SDHD: variants seen among roughly 807,000 people sequenced by gnomAD.
The protein encoded by SDHD is succinate dehydrogenase [ubiquinone] cytochrome b small subunit, mitochondrial.
A neutral mutation model predicts 18.7 loss-of-function variants in SDHD; 6 were observed. The ratio of observed to expected loss-of-function variants is 0.32; its 90% CI spans 0.18 to 0.63. The LOEUF (loss-of-function observed/expected upper bound fraction) is 0.63. SDHD is among the 30% of genes least tolerant of loss of function. The pLI, the probability that SDHD is intolerant of heterozygous loss-of-function variation, is 0.79. For synonymous variants in SDHD, 56 were observed against 73.9 expected (o/e 0.76, Z 1.24); for missense variants, 160 against 192.7 (o/e 0.83, Z 1.00).
intron 3 of SDHD, 187 bp downstream of exon 3, chr11:112,089,198 G>A: frequency 4.7e-6 from 3 of 632,438 alleles, no homozygotes; most frequent in South Asian, 2.0e-5. Flanking sequence ...CTTTCAATTC[G>A]ATTTCCGTAT....
Position 112,094,846 on chromosome 11 carries a change from C to A in SDHD, c.356C>A (p.Ala119Asp), listed in dbSNP as rs758784300. The change falls in exon 4 of 4, where the codon GCC becomes GAC. Residue 119 changes from alanine to aspartate, a missense_variant. Physicochemically the swap from Ala to Asp is moderately radical, Grantham distance 126. Transcript: ENST00000375549. ...GTTACTGACTATGTTCATGGGGATG[C>A]CTTGCAGAAAGCTGCCAAGGCAGGG... ...QVVTDYVHGD[A>D]LQKAAKAGLL... 6.2e-7 allele frequency: 1 copy of A among 1,611,994 alleles called. No individual in the cohort carries two copies. The highest frequency in any genetic ancestry group is 8.5e-7 in the Non-Finnish European group (1 of 1,179,832).
chr11:112,090,614 CTT>C (rs976547564), intron 3 of SDHD, among the ~76,000 whole-genome samples: 2 of 152,054 alleles, frequency 1.3e-5, no homozygotes, highest in African/African-American at 4.8e-5. Context: ...TTAACCAACT[CTT>C]TTATTTTACA....
chr11:112,089,538 T>C (rs944334089), intron 3 of SDHD, among the ~76,000 whole-genome samples: 1 of 152,254 alleles, frequency 6.6e-6, no homozygotes, highest in Non-Finnish European at 1.5e-5. Flanking sequence ...AGACTCTACA[T>C]GATTGAACCA....
intron 2 of SDHD, 69 bp downstream of exon 2, chr11:112,088,042 T>G: frequency 9.4e-7 from 1 of 1,063,628 alleles, no homozygotes; most frequent in Non-Finnish European, 1.5e-6. Flanking sequence ...GGTCATGCCT[T>G]TAGCAGGACT....
rs7121782 is a variant in SDHD, at chr11:112,087,095, G to T, written c.52+136G>T. The T allele has an allele frequency of 0.35, 332,729 of 941,840 alleles. 61,631 individuals are homozygous for T. The highest frequency in any genetic ancestry group is 0.57 in the East Asian group (22,111 of 38,456). 58.3% of individuals were successfully genotyped at this position (941,840 alleles called of 1,614,324 possible). A position where few individuals can be genotyped will look rare whatever the true frequency, so the allele number is the denominator to read the frequency against. ...CGAAATCACAGCAATGACCACTGTA[G>T]TCTAGGGGTCCAGATGTTTACCCGA... is the stretch of plus-strand genomic sequence containing the variant. On this transcript the variant is annotated intron_variant, in intron 1 of 3. Transcript: ENST00000375549.
chr11:112,092,588 T>G (rs749538233), intron 3 of SDHD, among the ~76,000 whole-genome samples: 2 of 152,038 alleles, frequency 1.3e-5, no homozygotes, highest in Non-Finnish European at 2.9e-5. Context: ...CACACCCCAT[T>G]AGGATGGCTG....
intron 1 of SDHD, among the ~76,000 whole-genome samples, chr11:112,087,521 G>A (rs1173015593): frequency 6.6e-6 from 1 of 152,202 alleles, no homozygotes; most frequent in Non-Finnish European, 1.5e-5. Context: ...AACTAGGAAA[G>A]TAGCACAAAG....
chr11:112,087,804 C>T (rs201680638), intron 1 of SDHD, 53 bp from the exon 2 acceptor site: 2 of 1,141,326 alleles, frequency 1.8e-6, no homozygotes, highest in South Asian at 1.2e-5. Context: ...GAAAGTTTGT[C>T]AGTCCTGTTA....
chr11:112,088,846 T>C (rs200186743), intron 2 of SDHD, 21 bp from the exon 3 acceptor site: 17 of 1,612,092 alleles, frequency 1.1e-5, no homozygotes, highest in Non-Finnish European at 1.2e-5. Flanking sequence ...TCAACTTTTA[T>C]GAATCTGGTC....
At chr11:112,092,130 A>G (rs1865755580) in intron 3 of SDHD, among the ~76,000 whole-genome samples, 1 of 152,074 alleles carries the variant, frequency 6.6e-6, no homozygotes, top group Non-Finnish European at 1.5e-5. Context: ...ATAAATACCT[A>G]ATGCACGCGG....
chr11:112,087,714 G>C (rs1199653239), intron 1 of SDHD, 143 bp from the exon 2 acceptor site: 1 of 744,410 alleles, frequency 1.3e-6, no homozygotes, highest in Admixed American at 1.8e-5. Context: ...AGTAACCCCA[G>C]TGAAATAGAT....
intron 2 of SDHD, 112 bp from the exon 3 acceptor site, chr11:112,088,755 T>G: frequency 8.6e-7 from 1 of 1,160,066 alleles, no homozygotes; most frequent in East Asian, 2.3e-5. Flanking sequence ...GTACTCAGAG[T>G]TATATCCTAT....
intron 3 of SDHD, among the ~76,000 whole-genome samples, chr11:112,090,308 G>A (rs370157346): frequency 4.1e-5 from 6 of 147,264 alleles, no homozygotes; most frequent in South Asian, 4.5e-4. Context: ...ACGGGGTTTC[G>A]CCATTTTGGC....
In SDHD at chr11:112,094,943, A is replaced by C. The variant is rs761953172; in HGVS notation, c.453A>C (p.Lys151Asn). The C allele has an allele frequency of 1.1e-5, 17 of 1,611,122 alleles. No individual in the cohort carries two copies. The highest frequency in any genetic ancestry group is 1.2e-5 in the Non-Finnish European group (14 of 1,179,020). Reference sequence around the variant, plus strand: ...ACTATCACGATGTGGGCATCTGCAAAGCTGTTGCCATGCTGTGGAAGCTCT... The same window carrying C: ...ACTATCACGATGTGGGCATCTGCAACGCTGTTGCCATGCTGTGGAAGCTCT... Reference protein sequence around the residue: ...YFNYHDVGICKAVAMLWKL With the variant: ...YFNYHDVGICNAVAMLWKL Residue 151 changes from lysine to asparagine, a missense_variant, in exon 4 of 4, where the codon AAA (lysine) becomes AAC (asparagine). By Grantham distance (94) the Lys-to-Asn change is moderately conservative (BLOSUM62 0). Transcript: ENST00000375549.
intron 3 of SDHD, among the ~76,000 whole-genome samples, chr11:112,090,721 G>A (rs1283942830): frequency 1.3e-5 from 2 of 149,188 alleles, no homozygotes; most frequent in Non-Finnish European, 1.5e-5. Flanking sequence ...TTTTTGGGAC[G>A]GAGTCTCACT....
In SDHD at chr11:112,094,397, CAATA is replaced by C. The variant is rs575947347; in HGVS notation, c.315-383_315-380del. Among the ~76,000 whole-genome samples the C allele has an allele frequency of 4.6e-3, 691 of 150,976 alleles. 8 individuals carry two copies. Among genetic ancestry groups the C allele is most frequent in the African/African-American group, 0.015 (618 of 41,036 alleles). ...TGGGCAAAAGAGCGAGACTCTGTCT[CAATA>C]AATAAATAAATAAATAAATAAATAG... is the stretch of plus-strand genomic sequence containing the variant. On this transcript the variant is annotated intron_variant, in intron 3 of 3. Coordinates refer to ENST00000375549, the MANE Select transcript of SDHD (RefSeq NM_003002.4).
In SDHD at chr11:112,094,856, A is replaced by G. The variant is rs780764151; in HGVS notation, c.366A>G (p.Lys122=). 22 of 1,611,898 alleles carry G rather than the reference A, an allele frequency of 1.4e-5. No homozygotes were observed. Among genetic ancestry groups the G allele is most frequent in the Middle Eastern group, 2.2e-4 (1 of 4,452 alleles). Residue 122 remains lysine (K), a synonymous_variant, in exon 4 of 4, where the codon AAA becomes AAG. Transcript: ENST00000375549. Reference sequence around the variant, plus strand: ...ATGTTCATGGGGATGCCTTGCAGAAAGCTGCCAAGGCAGGGCTTTTGGCAC... The same window carrying G: ...ATGTTCATGGGGATGCCTTGCAGAAGGCTGCCAAGGCAGGGCTTTTGGCAC... ...TDYVHGDALQ[K]AAKAGLLALS...
At chr11:112,093,767 A>C (rs1294731539) in intron 3 of SDHD, among the ~76,000 whole-genome samples, 1 of 152,302 alleles carries the variant, frequency 6.6e-6, no homozygotes. Context: ...CATGTGCTCC[A>C]GCCACACAAA....
Position 112,086,964 on chromosome 11 carries a change from G to C in SDHD, c.52+5G>C, listed in dbSNP as rs1592777393. On this transcript the variant is annotated splice_donor_5th_base_variant and intron_variant, in intron 1 of 3. Coordinates refer to ENST00000375549, the MANE Select transcript of SDHD (RefSeq NM_003002.4). ...GCGGTGCCCTAGGAGGCCGAGGTGAGGGGTCTTCCCACCCTGAGGTGCTTA... is the reference window on the plus strand; with the variant it reads ...GCGGTGCCCTAGGAGGCCGAGGTGACGGGTCTTCCCACCCTGAGGTGCTTA... The C allele has an allele frequency of 6.2e-7, 1 of 1,614,160 alleles. No individual in the cohort carries two copies. The highest frequency in any genetic ancestry group is 8.5e-7 in the Non-Finnish European group (1 of 1,180,014).
Sources: allele counts gnomAD v4.1 joint callset (sites outside exome capture counted in the v4.1 genomes callset), GRCh38; gene constraint gnomAD v4.1.1; transcripts MANE v1.5; gene names NCBI Gene and HGNC (gene_info 2026-07-23, HGNC 2026-07-21).